CLEC4A: variants seen among roughly 807,000 people sequenced by gnomAD.
The protein encoded by CLEC4A is C-type lectin domain family 4 member A.
In CLEC4A, 27 loss-of-function variants were observed where a neutral mutation model predicts 32.7. The observed-to-expected ratio is 0.83, with a 90% CI of 0.61 to 1.14. CLEC4A has a LOEUF of 1.14. Among genes scored for constraint, CLEC4A ranks in the 50% most tolerant of loss-of-function variants. The pLI, the probability that CLEC4A is intolerant of heterozygous loss-of-function variation, is 0.00. For synonymous variants in CLEC4A, 89 were observed against 93.7 expected (o/e 0.95, Z 0.29); for missense variants, 253 against 274.6 (o/e 0.92, Z 0.55).
In CLEC4A at chr12:8,134,585, G is replaced by A. The variant is rs1289980338; in HGVS notation, c.299-1000G>A. The A allele has an allele frequency of 3.1e-6, 5 of 1,613,108 alleles. No homozygotes were observed. The Admixed American group carries it at 5.0e-5, about 16-fold the overall frequency. On this transcript the variant is annotated intron_variant, in intron 3 of 5. Coordinates refer to ENST00000229332, the MANE Select transcript of CLEC4A (RefSeq NM_016184.4). ...CGCCCTCAGGCTGAGAGGTCTCCAA[G>A]CCGTCTTGGGGCACTAGCCCCACTC...
chr12:8,133,729 C>A, intron 3 of CLEC4A: 2 of 1,585,246 alleles, frequency 1.3e-6, no homozygotes, highest in Non-Finnish European at 1.7e-6. Flanking sequence ...TTCCCTAGCT[C>A]CTCCCCTCCC....
intron 2 of CLEC4A, among the ~76,000 whole-genome samples, chr12:8,128,937 C>T (rs752425380): frequency 8.5e-5 from 13 of 152,240 alleles, no homozygotes; most frequent in Admixed American, 5.2e-4. Context: ...TCCCAGGGTG[C>T]GCACATCCTT....
chr12:8,133,864 G>C (rs1948042924), intron 3 of CLEC4A: 1 of 1,584,688 alleles, frequency 6.3e-7, no homozygotes, highest in African/African-American at 1.3e-5. Context: ...ACAGTGCAGT[G>C]AAGTGAGGGC....
At chr12:8,114,564 A>G in the CLEC4A span, among the ~76,000 whole-genome samples, 2 of 152,306 alleles carry the variant, frequency 1.3e-5, no homozygotes, top group South Asian at 4.1e-4. Flanking sequence ...TTTCTGATGG[A>G]ACAAAATATT....
At chr12:8,114,701 T>G in the CLEC4A span, among the ~76,000 whole-genome samples, 2 of 152,212 alleles carry the variant, frequency 1.3e-5, no homozygotes, top group East Asian at 3.8e-4. Context: ...AATTATGAAT[T>G]ATATGGAAGT....
At chr12:8,120,374 A>G (rs1290991805), upstream of CLEC4A, among the ~76,000 whole-genome samples, 2 of 152,232 alleles carry the variant, frequency 1.3e-5, no homozygotes, top group African/African-American at 4.8e-5. Context: ...AGCATGAGAT[A>G]TACGGGCCCA....
At chr12:8,113,159 T>G in the CLEC4A span, among the ~76,000 whole-genome samples, 1 of 135,824 alleles carries the variant, frequency 7.4e-6, no homozygotes, top group East Asian at 2.3e-4. Context: ...ATGTTCCCCT[T>G]TCTGTGTCCA....
At chr12:8,120,845 A>G (rs1947825419), upstream of CLEC4A, 1 of 152,340 alleles carries the variant, frequency 6.6e-6, no homozygotes, top group South Asian at 2.1e-4. Flanking sequence ...TGAAAGGATT[A>G]AACTTTGATA....
At chr12:8,129,150 C>T (rs1166579742) in intron 2 of CLEC4A, 114 bp from the exon 3 acceptor site, 2 of 638,060 alleles carry the variant, frequency 3.1e-6, no homozygotes, top group Non-Finnish European at 5.4e-6. Flanking sequence ...TCCCTCTACT[C>T]CAGTAATAGG....
At chr12:8,133,994 C>A in intron 3 of CLEC4A, 1 of 1,607,394 alleles carries the variant, frequency 6.2e-7, no homozygotes, top group South Asian at 1.1e-5. Context: ...ACTGCTTGAT[C>A]GCTTGCCCTT....
chr12:8,114,319 A>C, the CLEC4A span, among the ~76,000 whole-genome samples: 3 of 151,534 alleles, frequency 2.0e-5, no homozygotes, highest in East Asian at 3.9e-4. Flanking sequence ...ATCTCGGCTC[A>C]CTGCAAGCTC....
At chr12:8,137,374 G>A (rs780140683) in intron 5 of CLEC4A, among the ~76,000 whole-genome samples, 17 of 152,024 alleles carry the variant, frequency 1.1e-4, no homozygotes, top group Non-Finnish European at 2.2e-4. Flanking sequence ...GAATTCCTGG[G>A]CTCAACTGAT....
the CLEC4A span, among the ~76,000 whole-genome samples, chr12:8,106,261 A>G: frequency 2.0e-5 from 3 of 152,122 alleles, no homozygotes; most frequent in African/African-American, 4.8e-5. Flanking sequence ...CTGTTTTTGT[A>G]CCAGTACCAT....
At chr12:8,128,029 G>C (rs1376381922) in intron 2 of CLEC4A, among the ~76,000 whole-genome samples, 1 of 152,138 alleles carries the variant, frequency 6.6e-6, no homozygotes, top group African/African-American at 2.4e-5. Context: ...TCACATAGAG[G>C]TAGCAGGTGA....
At chr12:8,125,829 T>C (rs1045696904) in intron 2 of CLEC4A, 152 bp downstream of exon 2, 2 of 619,172 alleles carry the variant, frequency 3.2e-6, no homozygotes, top group African/African-American at 3.7e-5. Flanking sequence ...ACTGTGAATT[T>C]TGCTCTTTAT....
At chr12:8,119,861 C>T (rs2120552095), upstream of CLEC4A, among the ~76,000 whole-genome samples, 1 of 152,262 alleles carries the variant, frequency 6.6e-6, no homozygotes. Context: ...TGTCCTCACT[C>T]CTGATCAACT....
the CLEC4A span, among the ~76,000 whole-genome samples, chr12:8,107,152 G>A: frequency 1.3e-5 from 2 of 152,100 alleles, no homozygotes; most frequent in Non-Finnish European, 2.9e-5. Flanking sequence ...TTTGTTTTTA[G>A]TTTTCTTTAT....
At chr12:8,111,437 C>G in the CLEC4A span, among the ~76,000 whole-genome samples, 1 of 152,122 alleles carries the variant, frequency 6.6e-6, no homozygotes, top group South Asian at 2.1e-4. Context: ...GCCTCAGCCT[C>G]CCAAAGTGCT....
In CLEC4A at chr12:8,129,352, G is replaced by C. The variant is rs1225394142; in HGVS notation, c.288G>C (p.Met96Ile). 6.3e-7 allele frequency: 1 copy of C among 1,597,120 alleles called. No homozygotes were observed. Among genetic ancestry groups the C allele is most frequent in the Non-Finnish European group, 8.6e-7 (1 of 1,168,288 alleles). ...CATTGGAGTGTGTGAAAAAAAATATGCCCGTGGAAGGTAAAAATTAATGTG... is the reference window on the plus strand; with the variant it reads ...CATTGGAGTGTGTGAAAAAAAATATCCCCGTGGAAGGTAAAAATTAATGTG... ...HTTLECVKKN[M>I]PVEETAWSCC... The change falls in exon 3 of 6, where the codon ATG becomes ATC. Residue 96 changes from methionine to isoleucine, a missense_variant. By Grantham distance (10) the Met-to-Ile change is conservative. Coordinates refer to ENST00000229332, the MANE Select transcript of CLEC4A (RefSeq NM_016184.4).
Sources: allele counts gnomAD v4.1 joint callset (sites outside exome capture counted in the v4.1 genomes callset), GRCh38; gene constraint gnomAD v4.1.1; transcripts MANE v1.5; gene names NCBI Gene and HGNC (gene_info 2026-07-23, HGNC 2026-07-21).